PTPRB: variants seen among roughly 807,000 people sequenced by gnomAD.
The protein encoded by PTPRB is protein tyrosine phosphatase receptor type B, also known as receptor-type tyrosine-protein phosphatase beta.
Under a neutral mutation model 238.1 loss-of-function variants are expected in PTPRB, and 97 were observed. The ratio of observed to expected loss-of-function variants is 0.41; its 90% CI spans 0.35 to 0.48. The LOEUF is 0.48. PTPRB is among the 20% of genes least tolerant of loss of function. The probability of loss-of-function intolerance (pLI) is 0.30; values close to 1 mark genes in which losing one functional copy is unlikely to be tolerated. For synonymous variants in PTPRB, 970 were observed against 995.4 expected (o/e 0.97, Z 0.48); for missense variants, 2,292 against 2,681.9 (o/e 0.85, Z 3.21).
chr12:70,536,245 G>GGA (rs1333516587), intron 28 of PTPRB, 86 bp from the exon 29 acceptor site: 3 of 1,435,724 alleles, frequency 2.1e-6, no homozygotes, highest in Non-Finnish European at 2.8e-6. Context: ...TAGATGATAG[G>GGA]GAGGTCTCTG....
intron 3 of PTPRB, among the ~76,000 whole-genome samples, chr12:70,612,301 A>G (rs547622439): frequency 1.3e-5 from 2 of 152,340 alleles, no homozygotes; most frequent in Non-Finnish European, 2.9e-5. Flanking sequence ...AAAAGTACAA[A>G]ACTTAACATG....
At chr12:70,567,971 T>C (rs375384758) in intron 14 of PTPRB, among the ~76,000 whole-genome samples, 1 of 152,278 alleles carries the variant, frequency 6.6e-6, no homozygotes, top group East Asian at 1.9e-4. Context: ...ATTACAGGCA[T>C]GAGCCACCGT....
intron 2 of PTPRB, among the ~76,000 whole-genome samples, chr12:70,628,455 A>C (rs1184506819): frequency 6.6e-6 from 1 of 152,224 alleles, no homozygotes; most frequent in Non-Finnish European, 1.5e-5. Flanking sequence ...CTGGAATGAC[A>C]TAGGCATGGC....
In PTPRB at chr12:70,540,001, A is replaced by G; in HGVS notation, c.5616T>C (p.Ser1872=). Residue 1872 remains serine (S), a synonymous_variant, in exon 24 of 34, where the codon TCT becomes TCC. Transcript: ENST00000334414. ...GATCCCTACGAATGCTCAGACGGGC[A>G]GAGGGTCTTTCTCGACCATGGCTGA... ...QKVSHGRERP[S]ARLSIRRDRP... 6.2e-7 allele frequency: 1 copy of G among 1,610,054 alleles called. No homozygotes were observed. Among genetic ancestry groups the G allele is most frequent in the Non-Finnish European group, 8.5e-7 (1 of 1,176,388 alleles).
At chr12:70,607,842 C>A (rs1272431116) in intron 4 of PTPRB, among the ~76,000 whole-genome samples, 3 of 151,592 alleles carry the variant, frequency 2.0e-5, no homozygotes, top group Admixed American at 6.6e-5. Flanking sequence ...TGAGCCACTG[C>A]GCCCAGTCAG....
intron 28 of PTPRB, among the ~76,000 whole-genome samples, chr12:70,537,263 GC>G (rs1874282312): frequency 7.5e-6 from 1 of 132,566 alleles, no homozygotes. Context: ...CTACAGCCTG[GC>G]AGACAGAGCA....
chr12:70,628,233 A>G (rs1443763760), intron 2 of PTPRB, among the ~76,000 whole-genome samples: 3 of 152,240 alleles, frequency 2.0e-5, no homozygotes, highest in African/African-American at 7.2e-5. Context: ...GAATGAATGA[A>G]TCTGAATTGA....
intron 3 of PTPRB, among the ~76,000 whole-genome samples, chr12:70,610,077 T>C (rs1246979394): frequency 6.6e-6 from 1 of 152,100 alleles, no homozygotes; most frequent in Non-Finnish European, 1.5e-5. Context: ...TGACCCGCGC[T>C]GCCTCGCCCC....
intron 5 of PTPRB, among the ~76,000 whole-genome samples, chr12:70,595,492 A>C (rs1882932580): frequency 6.6e-6 from 1 of 152,074 alleles, no homozygotes; most frequent in African/African-American, 2.4e-5. Context: ...AAGAAGAGAG[A>C]AAATGAGGGG....
intron 19 of PTPRB, 142 bp from the exon 20 acceptor site, chr12:70,555,451 A>G: frequency 3.7e-6 from 3 of 805,386 alleles, no homozygotes; most frequent in Non-Finnish European, 5.7e-6. Context: ...TAATGCTGTA[A>G]TCAAGAAACT....
chr12:70,606,486 T>C (rs1883954197), intron 4 of PTPRB, among the ~76,000 whole-genome samples: 2 of 152,334 alleles, frequency 1.3e-5, no homozygotes, highest in Middle Eastern at 3.4e-3. Flanking sequence ...ATAGAGATCA[T>C]CTAAGCAACA....
At chr12:70,551,260 G>A (rs1876846577) in intron 21 of PTPRB, among the ~76,000 whole-genome samples, 1 of 152,266 alleles carries the variant, frequency 6.6e-6, no homozygotes, top group South Asian at 2.1e-4. Context: ...TTTCTCCCTT[G>A]TTCTTCTGAA....
intron 19 of PTPRB, 69 bp downstream of exon 19, chr12:70,555,801 T>C: frequency 6.5e-7 from 1 of 1,543,452 alleles, no homozygotes; most frequent in Non-Finnish European, 8.8e-7. Flanking sequence ...ATGGATATGA[T>C]AGAGAAAGGT....
chr12:70,569,533 G>GT, intron 14 of PTPRB, 142 bp downstream of exon 14: 1 of 959,712 alleles, frequency 1.0e-6, no homozygotes, highest in Non-Finnish European at 1.5e-6. Flanking sequence ...GAATAAATGA[G>GT]TAAGGCTCTT....
intron 32 of PTPRB, among the ~76,000 whole-genome samples, chr12:70,524,827 G>A (rs1315668579): frequency 6.6e-6 from 1 of 151,582 alleles, no homozygotes; most frequent in Non-Finnish European, 1.5e-5. Flanking sequence ...ATATATGTGT[G>A]TGTGCATATA....
rs879111953 is a variant in PTPRB at position 70,569,600 on chromosome 12, G to A, written c.3634+75C>T. 1.6e-5 allele frequency: 25 copies of A among 1,550,672 alleles called. No homozygotes were observed. In the South Asian group the frequency reaches 2.6e-4, roughly 16 times the overall value. ...TTTAAATCTGGATTTGTGAATAGCT[G>A]AGCCCGTTCACTGTCCCATTTTGGA... On this transcript the variant is annotated intron_variant, in intron 14 of 33. Transcript: ENST00000334414.
intron 14 of PTPRB, among the ~76,000 whole-genome samples, chr12:70,567,264 C>T (rs1879421442): frequency 6.6e-6 from 1 of 152,162 alleles, no homozygotes. Context: ...TAGATTTCGT[C>T]TATGTCCATG....
At chr12:70,552,686 A>G (rs894076158) in intron 21 of PTPRB, 91 bp downstream of exon 21, 120 of 1,487,636 alleles carry the variant, frequency 8.1e-5, no homozygotes, top group African/African-American at 1.8e-4. Flanking sequence ...TTATTAATCT[A>G]TGGAAGCTCG....
chr12:70,606,175 G>A (rs1883927833), intron 4 of PTPRB, among the ~76,000 whole-genome samples: 1 of 152,152 alleles, frequency 6.6e-6, no homozygotes, highest in Admixed American at 6.5e-5. Context: ...TCTCACCTCT[G>A]CACGAGACAA....
Sources: allele counts gnomAD v4.1 joint callset (sites outside exome capture counted in the v4.1 genomes callset), GRCh38; gene constraint gnomAD v4.1.1; transcripts MANE v1.5; gene names NCBI Gene and HGNC (gene_info 2026-07-23, HGNC 2026-07-21).